Variants in PTPRT observed in about 807,000 individuals in gnomAD.
PTPRT encodes protein tyrosine phosphatase receptor type T.
Under a neutral mutation model 176.8 loss-of-function variants are expected in PTPRT, and 56 were observed. That is an observed-to-expected ratio of 0.32 (90% confidence interval 0.26 to 0.40). The LOEUF is 0.40. Ranked by LOEUF, PTPRT falls within the 10% of genes least tolerant of loss-of-function variation. PTPRT has a pLI of 1.00. For synonymous variants in PTPRT, 783 were observed against 739.0 expected, an observed-to-expected ratio of 1.06 and a Z score of -0.96; for missense variants, 1,540 against 1,908.2, an observed-to-expected ratio of 0.81 and a Z score of 3.60.
At chr20:43,146,833 G>A (rs767296728) in intron 1 of PTPRT, among the ~76,000 whole-genome samples, 1 of 152,074 alleles carries the variant, frequency 6.6e-6, no homozygotes, top group Non-Finnish European at 1.5e-5. Context: ...CCCTACTTTA[G>A]AAGGATTGAA....
At chr20:42,974,073 C>T (rs779869546) in intron 1 of PTPRT, among the ~76,000 whole-genome samples, 31 of 152,082 alleles carry the variant, frequency 2.0e-4, no homozygotes, top group Admixed American at 4.6e-4. Context: ...AGCCACTTGC[C>T]CTTAGTTAAG....
intron 1 of PTPRT, among the ~76,000 whole-genome samples, chr20:43,011,066 TA>T (rs1165786356): frequency 2.0e-5 from 3 of 152,228 alleles, no homozygotes; most frequent in Admixed American, 6.5e-5. Context: ...ATTCGTTAGG[TA>T]TTCTTTGCCT....
intron 15 of PTPRT, among the ~76,000 whole-genome samples, chr20:42,229,018 C>T (rs2056079578): frequency 6.6e-6 from 1 of 152,214 alleles, no homozygotes; most frequent in Non-Finnish European, 1.5e-5. Context: ...AACAATGACA[C>T]TCCCTTTATA....
intron 1 of PTPRT, among the ~76,000 whole-genome samples, chr20:42,959,420 C>A (rs1337868803): frequency 6.6e-6 from 1 of 152,192 alleles, no homozygotes; most frequent in Non-Finnish European, 1.5e-5. Flanking sequence ...CCAGATGTGA[C>A]TGAACATAGC....
At chr20:42,106,044 C>A (rs975950423) in intron 24 of PTPRT, among the ~76,000 whole-genome samples, 1 of 152,124 alleles carries the variant, frequency 6.6e-6, no homozygotes, top group Admixed American at 6.5e-5. Flanking sequence ...TCACATGGAC[C>A]GAAGTTCTAC....
intron 19 of PTPRT, among the ~76,000 whole-genome samples, chr20:42,124,764 G>C (rs149134667): frequency 1.5e-3 from 231 of 152,258 alleles, no homozygotes; most frequent in Middle Eastern, 6.8e-3. Flanking sequence ...TATGTAGTTG[G>C]TTCACAATTA....
At chr20:42,901,923 G>A (rs970678162) in intron 1 of PTPRT, among the ~76,000 whole-genome samples, 2 of 152,116 alleles carry the variant, frequency 1.3e-5, no homozygotes, top group Non-Finnish European at 2.9e-5. Context: ...TATCATCTAC[G>A]GCTGCTTCCC....
At chr20:42,740,303 T>G (rs1261648406) in intron 6 of PTPRT, among the ~76,000 whole-genome samples, 2 of 152,160 alleles carry the variant, frequency 1.3e-5, no homozygotes, top group Non-Finnish European at 2.9e-5. Context: ...GGATGTGATC[T>G]GCACAGAGAC....
At chr20:42,571,045 C>T (rs2073145028) in intron 7 of PTPRT, among the ~76,000 whole-genome samples, 4 of 152,252 alleles carry the variant, frequency 2.6e-5, no homozygotes, top group East Asian at 1.9e-4. Flanking sequence ...TAATCTCTCC[C>T]CACACATTGC....
chr20:42,145,214 T>A (rs1468582132), intron 17 of PTPRT, among the ~76,000 whole-genome samples: 1 of 151,992 alleles, frequency 6.6e-6, no homozygotes, highest in Admixed American at 6.6e-5. Flanking sequence ...CAAAAATAGG[T>A]GTTGGGGCCA....
chr20:42,938,018 G>A (rs1980303707), intron 1 of PTPRT, among the ~76,000 whole-genome samples: 1 of 152,144 alleles, frequency 6.6e-6, no homozygotes, highest in Admixed American at 6.5e-5. Flanking sequence ...AAATAAATAT[G>A]TGTTAAAGAT....
intron 7 of PTPRT, among the ~76,000 whole-genome samples, chr20:42,659,420 G>C (rs144282621): frequency 6.6e-6 from 1 of 152,184 alleles, no homozygotes; most frequent in Non-Finnish European, 1.5e-5. Context: ...CCATAATACA[G>C]AATACCGTTA....
intron 7 of PTPRT, among the ~76,000 whole-genome samples, chr20:42,617,918 G>GT (rs1281289624): frequency 7.2e-6 from 1 of 138,002 alleles, no homozygotes; most frequent in Non-Finnish European, 1.5e-5. Context: ...TTTTTGAAGG[G>GT]TTTTTTGTAT....
At chr20:42,884,638 C>G (rs2145866774) in intron 2 of PTPRT, among the ~76,000 whole-genome samples, 1 of 152,178 alleles carries the variant, frequency 6.6e-6, no homozygotes, top group African/African-American at 2.4e-5. Flanking sequence ...GAAAGAACAC[C>G]CAGTAAGCCT....
intron 7 of PTPRT, among the ~76,000 whole-genome samples, chr20:42,631,377 C>T (rs552610234): frequency 1.3e-5 from 2 of 151,810 alleles, no homozygotes; most frequent in Non-Finnish European, 2.9e-5. Context: ...TTAGAAGTAA[C>T]AAAATGATCT....
intron 1 of PTPRT, among the ~76,000 whole-genome samples, chr20:43,071,298 C>G (rs933717463): frequency 2.0e-5 from 3 of 152,224 alleles, no homozygotes; most frequent in African/African-American, 7.2e-5. Context: ...ATGCAAATCT[C>G]AAGCCCCACT....
chr20:42,947,198 G>A (rs1176056421), intron 1 of PTPRT, among the ~76,000 whole-genome samples: 3 of 152,146 alleles, frequency 2.0e-5, no homozygotes, highest in Non-Finnish European at 2.9e-5. Context: ...CCACTCACAG[G>A]CAGCTGGCAT....
the PTPRT span, among the ~76,000 whole-genome samples, chr20:42,056,173 A>C: frequency 6.6e-6 from 1 of 152,176 alleles, no homozygotes; most frequent in African/African-American, 2.4e-5. Flanking sequence ...GAAGCCAATA[A>C]GGGTGTTTCT....
At chr20:42,535,179 A>G (rs930799804) in intron 7 of PTPRT, among the ~76,000 whole-genome samples, 1 of 152,208 alleles carries the variant, frequency 6.6e-6, no homozygotes, top group African/African-American at 2.4e-5. Context: ...TTGCAGCAAC[A>G]TGAATAGAGC....
Sources: gnomAD v4.1 joint callset for allele counts (sites outside exome capture counted in the v4.1 genomes callset) on GRCh38, gnomAD v4.1.1 for gene constraint, MANE v1.5 for transcripts, NCBI Gene and HGNC (gene_info 2026-07-23, HGNC 2026-07-21) for gene names.